ABLIM3: variants seen among roughly 807,000 people sequenced by gnomAD.
ABLIM3 encodes the protein actin binding LIM protein family member 3, also known as actin-binding LIM protein 3.
In ABLIM3, 61 loss-of-function variants were observed where a neutral mutation model predicts 109.5. The ratio of observed to expected loss-of-function variants is 0.56; its 90% CI spans 0.45 to 0.69. The LOEUF (loss-of-function observed/expected upper bound fraction) is 0.69, where lower values mean the gene tolerates loss of function less well. ABLIM3 is among the 30% of genes least tolerant of loss of function. The pLI is 0.00. For missense variants in ABLIM3, 796 were observed against 889.5 expected (o/e 0.89, Z 1.34); for synonymous variants, 300 against 324.8 (o/e 0.92, Z 0.82).
chr5:149,213,724 C>A (rs955608661), intron 7 of ABLIM3, among the ~76,000 whole-genome samples: 1 of 152,090 alleles, frequency 6.6e-6, no homozygotes, highest in Non-Finnish European at 1.5e-5. Context: ...TTTAGCATTG[C>A]GGTAGACTGT....
intron 5 of ABLIM3, among the ~76,000 whole-genome samples, chr5:149,202,802 T>G (rs1472306909): frequency 6.6e-6 from 1 of 152,154 alleles, no homozygotes; most frequent in Non-Finnish European, 1.5e-5. Flanking sequence ...CCGACCTCAC[T>G]GAGAAGAATC....
intron 8 of ABLIM3, among the ~76,000 whole-genome samples, chr5:149,226,757 T>G (rs1761323804): frequency 6.6e-6 from 1 of 152,042 alleles, no homozygotes; most frequent in African/African-American, 2.4e-5. Context: ...TGATACCAAC[T>G]CCAGCTTTGG....
Position 149,195,717 on chromosome 5 carries a change from C to T in ABLIM3, c.152-2502C>T, listed in dbSNP as rs377041840. Among the ~76,000 whole-genome samples, 59 of 152,344 alleles carry T rather than the reference C, an allele frequency of 3.9e-4. 1 individual carries two copies. The South Asian group carries it at 0.012, about 30-fold the overall frequency. On this transcript the variant is annotated intron_variant, in intron 3 of 23. Coordinates refer to ENST00000309868, the MANE Select transcript of ABLIM3 (RefSeq NM_014945.5). ...AGCCATGAAGTCAATTGTTCCACCA[C>T]CTGCACGGCCCAGAACAGCCTGTGC...
intron 2 of ABLIM3, among the ~76,000 whole-genome samples, chr5:149,149,916 C>T (rs1029744437): frequency 1.3e-5 from 2 of 152,146 alleles, no homozygotes; most frequent in African/African-American, 4.8e-5. Context: ...GACCCAGAGA[C>T]CCAGCTGGCT....
chr5:149,205,619 G>A (rs892872067), intron 5 of ABLIM3, among the ~76,000 whole-genome samples: 1 of 152,128 alleles, frequency 6.6e-6, no homozygotes, highest in South Asian at 2.1e-4. Flanking sequence ...TAATTATTGG[G>A]CAGGGGGTGC....
chr5:149,254,992 G>A (rs1581256143), intron 23 of ABLIM3, among the ~76,000 whole-genome samples: 1 of 152,178 alleles, frequency 6.6e-6, no homozygotes, highest in Non-Finnish European at 1.5e-5. Context: ...AGTTCTAGGA[G>A]GGGACTGAAG....
In ABLIM3 at chr5:149,247,925, T is replaced by C. The variant is rs776863639; in HGVS notation, c.1695T>C (p.Asn565=). Reference sequence around the variant, plus strand: ...CAGCTGGCTATGAGATGTCCCTCAATGGCTGTAAGCATGGCTCTGGAAGCC... The same window carrying C: ...CAGCTGGCTATGAGATGTCCCTCAACGGCTGTAAGCATGGCTCTGGAAGCC... ...LHTAGYEMSL[N]GSPRSHYLAD... Residue 565 remains asparagine, a synonymous_variant, in exon 18 of 24, where the codon AAT becomes AAC. Coordinates refer to ENST00000309868, the MANE Select transcript of ABLIM3 (RefSeq NM_014945.5). 6.2e-7 allele frequency: 1 copy of C among 1,614,018 alleles called. No homozygotes were observed. The highest frequency in any genetic ancestry group is 8.5e-7 in the Non-Finnish European group (1 of 1,179,948).
intron 2 of ABLIM3, among the ~76,000 whole-genome samples, chr5:149,163,569 G>C (rs1414700380): frequency 1.3e-5 from 2 of 152,100 alleles, no homozygotes; most frequent in Admixed American, 6.5e-5. Context: ...TCTTCCCCCT[G>C]TGAGTTCCCG....
chr5:149,203,884 T>C (rs1758719718), intron 5 of ABLIM3, among the ~76,000 whole-genome samples: 1 of 152,236 alleles, frequency 6.6e-6, no homozygotes, highest in Non-Finnish European at 1.5e-5. Context: ...AGAGTAATTA[T>C]TTTATAGATG....
At chr5:149,237,244 A>C (rs1414737984) in intron 10 of ABLIM3, among the ~76,000 whole-genome samples, 3 of 152,264 alleles carry the variant, frequency 2.0e-5, no homozygotes, top group African/African-American at 4.8e-5. Flanking sequence ...ATATGTGCTC[A>C]ATAAATGTTA....
In ABLIM3 at chr5:149,170,303, G is replaced by T. The variant is rs1755286754; in HGVS notation, c.14-13149G>T. On this transcript the variant is annotated intron_variant, in intron 2 of 23. Transcript: ENST00000309868. ...CTCTCTCTCTCTCCGTCTCTAATAGGTTCTCTCAACATGTGGAGCAAGATG... is the reference window on the plus strand; with the variant it reads ...CTCTCTCTCTCTCCGTCTCTAATAGTTTCTCTCAACATGTGGAGCAAGATG... Among the ~76,000 whole-genome samples the T allele has an allele frequency of 3.0e-5, 4 of 135,200 alleles. No homozygotes were observed. The South Asian group carries it at 9.5e-4, about 32-fold the overall frequency. The allele number at this position is 135,200 out of a possible 152,430, so 88.7% of individuals were successfully genotyped here.
At chr5:149,239,168 C>G in intron 11 of ABLIM3, 80 bp from the exon 12 acceptor site, 1 of 1,431,282 alleles carries the variant, frequency 7.0e-7, no homozygotes, top group Non-Finnish European at 9.9e-7. Flanking sequence ...AGCCATCTAA[C>G]CATGCTCTGT....
intron 9 of ABLIM3, among the ~76,000 whole-genome samples, chr5:149,232,606 G>T (rs1056493354): frequency 3.3e-5 from 5 of 152,212 alleles, no homozygotes; most frequent in Non-Finnish European, 4.4e-5. Context: ...CACAGATCAA[G>T]AATCCAAGAT....
At chr5:149,217,659 A>C (rs1344299628) in intron 8 of ABLIM3, 3 of 152,790 alleles carry the variant, frequency 2.0e-5, no homozygotes, top group Non-Finnish European at 4.4e-5. Context: ...TGCCCAGCCC[A>C]CCATCCCAGG....
At chr5:149,161,216 G>C (rs1419832972) in intron 2 of ABLIM3, among the ~76,000 whole-genome samples, 1 of 152,184 alleles carries the variant, frequency 6.6e-6, no homozygotes, top group Non-Finnish European at 1.5e-5. Flanking sequence ...AGTGTTTGCT[G>C]ACCTGGATTG....
chr5:149,231,021 GT>G lies in ABLIM3; in HGVS notation c.816+319del, dbSNP rs535604399. Among the ~76,000 whole-genome samples the G allele has an allele frequency of 3.1e-3, 466 of 152,300 alleles. 2 individuals are homozygous for G. The highest frequency in any genetic ancestry group is 0.01 in the Middle Eastern group (3 of 294). ...GCCTCGCTGAGAAGCTCTCGCCATG[GT>G]TTTTCCCAGCCTAAGGTCACTCGTT... is the stretch of plus-strand genomic sequence containing the variant. On this transcript the variant is annotated intron_variant, in intron 9 of 23. Transcript: ENST00000309868.
chr5:149,156,044 G>C (rs1042388585), intron 2 of ABLIM3, among the ~76,000 whole-genome samples: 1 of 152,238 alleles, frequency 6.6e-6, no homozygotes, highest in East Asian at 1.9e-4. Context: ...GAGTGGATGC[G>C]AGGGAGAGTG....
chr5:149,198,740 A>G lies in ABLIM3; in HGVS notation c.335+338A>G, dbSNP rs146123082. Reference sequence around the variant, plus strand: ...TCAGAACTCAGTTTGGAAACTGTGGATCTGGCCCATCCTCCCACACCCTCA... The same window carrying G: ...TCAGAACTCAGTTTGGAAACTGTGGGTCTGGCCCATCCTCCCACACCCTCA... On this transcript the variant is annotated intron_variant, in intron 4 of 23. Coordinates refer to ENST00000309868, the MANE Select transcript of ABLIM3 (RefSeq NM_014945.5). This position sits in a 1 kb window ranked among gnomAD's most constrained non-coding sequence, Gnocchi z 4.2. 0.016 allele frequency among the ~76,000 whole-genome samples: 2,360 copies of G among 152,250 alleles called. 35 individuals carry two copies. The highest frequency in any genetic ancestry group is 0.027 in the Middle Eastern group (8 of 294).
intron 2 of ABLIM3, among the ~76,000 whole-genome samples, chr5:149,166,188 A>C (rs1047822627): frequency 1.3e-5 from 2 of 152,206 alleles, no homozygotes; most frequent in Admixed American, 1.3e-4. Context: ...GTTGGAACTG[A>C]GTAGGGGCTG....
Sources: gnomAD v4.1 joint callset for allele counts (sites outside exome capture counted in the v4.1 genomes callset) on GRCh38, gnomAD v4.1.1 for gene constraint, Gnocchi (gnomAD v3.1) non-coding constraint, MANE v1.5 for transcripts, NCBI Gene and HGNC (gene_info 2026-07-23, HGNC 2026-07-21) for gene names.